ARHGAP26: variants seen among roughly 807,000 people sequenced by gnomAD.
The protein encoded by ARHGAP26 is rho GTPase-activating protein 26.
In ARHGAP26, 38 loss-of-function variants were observed where a neutral mutation model predicts 104.8. That is an observed-to-expected ratio of 0.36 (90% CI 0.28 to 0.48). The LOEUF is 0.48. Ranked by LOEUF, ARHGAP26 falls within the 20% of genes least tolerant of loss-of-function variation. The pLI is 0.99. For missense variants in ARHGAP26, 704 were observed against 947.9 expected (o/e 0.74, Z 3.38); for synonymous variants, 341 against 340.0 (o/e 1.00, Z -0.03).
At chr5:142,928,236 T>G (rs1414326898) in intron 10 of ARHGAP26, among the ~76,000 whole-genome samples, 6 of 122,700 alleles carry the variant, frequency 4.9e-5, no homozygotes, top group East Asian at 8.2e-4. Flanking sequence ...TGTGTGTTTT[T>G]TTTTTTTTTT....
intron 12 of ARHGAP26, 38 bp downstream of exon 12, chr5:143,014,154 T>A: frequency 1.2e-6 from 2 of 1,612,180 alleles, no homozygotes; most frequent in Non-Finnish European, 1.7e-6. Context: ...ACAGCCAGGG[T>A]TGGGAGTAGG....
At chr5:143,197,077 G>A (rs866053721) in intron 20 of ARHGAP26, among the ~76,000 whole-genome samples, 4 of 152,126 alleles carry the variant, frequency 2.6e-5, no homozygotes, top group African/African-American at 9.7e-5. Flanking sequence ...GCTGTAGAGT[G>A]CACCATTGTA....
intron 14 of ARHGAP26, among the ~76,000 whole-genome samples, chr5:143,043,792 G>A (rs1471596903): frequency 1.3e-5 from 2 of 152,170 alleles, no homozygotes; most frequent in African/African-American, 4.8e-5. Context: ...AAATATGTGT[G>A]TATATGAAAG....
At chr5:143,151,373 C>T (rs1218389216) in intron 20 of ARHGAP26, among the ~76,000 whole-genome samples, 2 of 152,142 alleles carry the variant, frequency 1.3e-5, no homozygotes, top group East Asian at 3.8e-4. Flanking sequence ...TGGTTTTTCA[C>T]AAAACCAAAC....
chr5:142,879,484 A>G (rs775968945), intron 4 of ARHGAP26, 39 bp downstream of exon 4: 34 of 1,552,280 alleles, frequency 2.2e-5, no homozygotes, highest in Admixed American at 5.6e-5. Context: ...TTTTAGGGTG[A>G]GAGGTCTGGA....
intron 11 of ARHGAP26, among the ~76,000 whole-genome samples, chr5:142,938,811 T>G (rs1765829584): frequency 6.6e-6 from 1 of 152,212 alleles, no homozygotes; most frequent in Non-Finnish European, 1.5e-5. Context: ...CGCCTCCTTA[T>G]TTTAGATGTA....
At chr5:142,926,224 G>A (rs2152518202) in intron 10 of ARHGAP26, among the ~76,000 whole-genome samples, 1 of 152,264 alleles carries the variant, frequency 6.6e-6, no homozygotes, top group South Asian at 2.1e-4. Context: ...ATGGTGTTGG[G>A]TAGCAACTTG....
intron 17 of ARHGAP26, among the ~76,000 whole-genome samples, chr5:143,107,421 A>G (rs1794175758): frequency 6.6e-6 from 1 of 152,082 alleles, no homozygotes; most frequent in African/African-American, 2.4e-5. Flanking sequence ...GGAATTGTGC[A>G]TCATTCTGTC....
chr5:142,854,906 G>A (rs1752096687), intron 1 of ARHGAP26, among the ~76,000 whole-genome samples: 1 of 152,050 alleles, frequency 6.6e-6, no homozygotes, highest in Non-Finnish European at 1.5e-5. Flanking sequence ...CCATGGAAGG[G>A]GCTTTAACTG....
chr5:142,781,057 G>A (rs1757392349), intron 1 of ARHGAP26, among the ~76,000 whole-genome samples: 1 of 152,234 alleles, frequency 6.6e-6, no homozygotes, highest in South Asian at 2.1e-4. Flanking sequence ...TCTCCTAGAT[G>A]CTCACTGTTT....
intron 11 of ARHGAP26, among the ~76,000 whole-genome samples, chr5:143,012,297 C>T (rs183769566): frequency 1.3e-5 from 2 of 151,336 alleles, no homozygotes; most frequent in Admixed American, 6.6e-5. Context: ...TCTTGGGCGA[C>T]TCCTTCAGTT....
intron 17 of ARHGAP26, among the ~76,000 whole-genome samples, chr5:143,088,881 G>T (rs1178105023): frequency 1.3e-5 from 2 of 152,136 alleles, no homozygotes; most frequent in Admixed American, 6.5e-5. Context: ...CGGGAAAAAT[G>T]GTTATGACAG....
intron 17 of ARHGAP26, among the ~76,000 whole-genome samples, chr5:143,091,605 T>C (rs1285038307): frequency 1.3e-5 from 2 of 152,228 alleles, no homozygotes; most frequent in Admixed American, 6.5e-5. Flanking sequence ...AATTTCACCT[T>C]TATATTAATG....
chr5:142,908,813 T>C (rs925862115), intron 9 of ARHGAP26: 1 of 167,406 alleles, frequency 6.0e-6, no homozygotes, highest in African/African-American at 2.4e-5. Context: ...GTCCCCGCCA[T>C]TGGGCAGCTC....
intron 20 of ARHGAP26, among the ~76,000 whole-genome samples, chr5:143,149,553 G>A (rs548385910): frequency 1.3e-5 from 2 of 152,058 alleles, no homozygotes; most frequent in Non-Finnish European, 2.9e-5. Context: ...ATCATGCATG[G>A]CTGTTAGGCA....
At chr5:143,207,345 C>T (rs573461169) in intron 21 of ARHGAP26, 37 bp downstream of exon 21, 12 of 1,614,162 alleles carry the variant, frequency 7.4e-6, no homozygotes, top group African/African-American at 6.7e-5. Flanking sequence ...CTGTTGCTGC[C>T]GTTGTTCTCT....
chr5:143,038,776 A>G (rs1260047884), intron 13 of ARHGAP26, among the ~76,000 whole-genome samples: 2 of 129,244 alleles, frequency 1.5e-5, no homozygotes, highest in Non-Finnish European at 3.1e-5. Context: ...GTTCACTGCA[A>G]ACTCCAACTC....
chr5:143,081,534 T>G (rs1425880429), intron 17 of ARHGAP26, among the ~76,000 whole-genome samples: 1 of 152,188 alleles, frequency 6.6e-6, no homozygotes, highest in East Asian at 1.9e-4. Flanking sequence ...CAAATTCCAT[T>G]TATAGCACTT....
At chr5:142,932,501 A>T (rs548056860) in intron 11 of ARHGAP26, among the ~76,000 whole-genome samples, 1 of 152,292 alleles carries the variant, frequency 6.6e-6, no homozygotes, top group Admixed American at 6.5e-5. Flanking sequence ...CATTTCAGCG[A>T]TGCTGGCCTC....
Sources: allele counts gnomAD v4.1 joint callset (sites outside exome capture counted in the v4.1 genomes callset), GRCh38; gene constraint gnomAD v4.1.1; transcripts MANE v1.5; gene names NCBI Gene and HGNC (gene_info 2026-07-23, HGNC 2026-07-21).